Variants in ROBO1 observed in about 807,000 individuals in gnomAD.
ROBO1 encodes the protein roundabout homolog 1.
Under a neutral mutation model 195.9 loss-of-function variants are expected in ROBO1, and 149 were observed. The observed-to-expected ratio is 0.76, with a 90% CI of 0.67 to 0.87. The LOEUF is 0.87. Ranked by LOEUF, ROBO1 falls within the 40% of genes least tolerant of loss-of-function variation. ROBO1 has a pLI of 0.00. For synonymous variants in ROBO1, 816 were observed against 733.2 expected (o/e 1.11, Z -1.82); for missense variants, 1,933 against 2,068.3 (o/e 0.93, Z 1.27).
Position 78,651,921 on chromosome 3 carries a change from C to T in ROBO1, c.2623G>A (p.Gly875Arg). The T allele has an allele frequency of 6.2e-7, 1 of 1,612,014 alleles. No homozygotes were observed. Among genetic ancestry groups the T allele is most frequent in the Non-Finnish European group, 8.5e-7 (1 of 1,178,998 alleles). Residue 875 changes from glycine to arginine, a missense_variant, in exon 19 of 31, where the codon GGA becomes AGA. By Grantham distance (125) the Gly-to-Arg change is moderately radical (BLOSUM62 -2). This residue lies in a region of ROBO1 where 1,737 missense variants were observed against 1,882.5 expected (regional missense o/e 0.92). Coordinates refer to ENST00000464233, the MANE Select transcript of ROBO1 (RefSeq NM_002941.4). ...TGGTCCTCAGGTGACACAGGGTTTCCATGGGCATCTGAAAAGTCATCTTCC... is the reference window on the plus strand; with the variant it reads ...TGGTCCTCAGGTGACACAGGGTTTCTATGGGCATCTGAAAAGTCATCTTCC... Reference protein sequence around the residue: ...EPQFIQLDAHGNPVSPEDQVS... With the variant: ...EPQFIQLDAHRNPVSPEDQVS...
intron 4 of ROBO1, among the ~76,000 whole-genome samples, chr3:78,774,269 T>C (rs916140035): frequency 5.9e-5 from 9 of 152,206 alleles, no homozygotes; most frequent in African/African-American, 2.2e-4. Context: ...AGGCTTACAT[T>C]GAAAACTCCT....
chr3:79,015,520 G>C (rs2077907970), intron 3 of ROBO1, among the ~76,000 whole-genome samples: 1 of 152,002 alleles, frequency 6.6e-6, no homozygotes, highest in South Asian at 2.1e-4. Context: ...ATTTGAGCAA[G>C]TCTATGAAGG....
intron 3 of ROBO1, among the ~76,000 whole-genome samples, chr3:79,122,739 TG>T (rs2080142629): frequency 6.6e-6 from 1 of 151,982 alleles, no homozygotes; most frequent in Non-Finnish European, 1.5e-5. Flanking sequence ...TTTTTAGTAT[TG>T]AAAAAAAGGA....
chr3:79,689,084 T>C (rs1400370451), intron 1 of ROBO1, among the ~76,000 whole-genome samples: 1 of 151,956 alleles, frequency 6.6e-6, no homozygotes, highest in Non-Finnish European at 1.5e-5. Flanking sequence ...GTTTTTTATA[T>C]ATAGTCATCG....
At chr3:79,560,971 T>G (rs556937884) in intron 2 of ROBO1, among the ~76,000 whole-genome samples, 1 of 152,050 alleles carries the variant, frequency 6.6e-6, no homozygotes, top group South Asian at 2.1e-4. Context: ...CAATCTGCTG[T>G]TTTTTTTCCC....
At chr3:79,257,005 T>C (rs1361145567) in intron 2 of ROBO1, among the ~76,000 whole-genome samples, 1 of 152,192 alleles carries the variant, frequency 6.6e-6, no homozygotes, top group Admixed American at 6.5e-5. Flanking sequence ...AGTCTTACTT[T>C]GTTGTCACAA....
At chr3:79,059,076 C>T (rs910888499) in intron 3 of ROBO1, among the ~76,000 whole-genome samples, 10 of 152,116 alleles carry the variant, frequency 6.6e-5, no homozygotes, top group South Asian at 2.1e-4. Flanking sequence ...GCTTGGAGAT[C>T]GGGTAGTGAG....
intron 3 of ROBO1, among the ~76,000 whole-genome samples, chr3:78,942,882 A>C (rs1003483774): frequency 1.3e-5 from 2 of 152,052 alleles, no homozygotes; most frequent in African/African-American, 4.8e-5. Flanking sequence ...ACTGCACTTC[A>C]GCCTGGGCAA....
intron 4 of ROBO1, among the ~76,000 whole-genome samples, chr3:78,810,942 A>G (rs1466466133): frequency 6.6e-6 from 1 of 152,200 alleles, no homozygotes; most frequent in Non-Finnish European, 1.5e-5. Context: ...CTCAAGAAAA[A>G]GGACAAAACT....
intron 1 of ROBO1, among the ~76,000 whole-genome samples, chr3:79,599,484 T>C (rs1295279531): frequency 5.9e-5 from 9 of 152,024 alleles, no homozygotes. Context: ...AAAGCAGCTA[T>C]GTATAAAAAT....
At chr3:79,103,004 C>T (rs910578038) in intron 3 of ROBO1, among the ~76,000 whole-genome samples, 1 of 151,554 alleles carries the variant, frequency 6.6e-6, no homozygotes, top group Admixed American at 6.6e-5. Context: ...AGGAAACAAT[C>T]GAAGAGTTCG....
intron 3 of ROBO1, among the ~76,000 whole-genome samples, chr3:79,016,375 GA>G (rs1338089752): frequency 6.6e-6 from 1 of 152,122 alleles, no homozygotes; most frequent in Non-Finnish European, 1.5e-5. Flanking sequence ...ACACCTATAG[GA>G]AAAACTTAGG....
chr3:78,675,690 C>T (rs1471340255), intron 10 of ROBO1, among the ~76,000 whole-genome samples: 1 of 152,180 alleles, frequency 6.6e-6, no homozygotes. Context: ...CTGGGTGGAG[C>T]CCACCACAGC....
chr3:78,682,441 CTG>C (rs1365252956), intron 10 of ROBO1, among the ~76,000 whole-genome samples: 1 of 146,096 alleles, frequency 6.8e-6, no homozygotes, highest in Non-Finnish European at 1.5e-5. Context: ...TTTGATATGA[CTG>C]TGTGTATATG....
At chr3:79,407,674 A>AT (rs2037601237) in intron 2 of ROBO1, among the ~76,000 whole-genome samples, 1 of 152,042 alleles carries the variant, frequency 6.6e-6, no homozygotes, top group African/African-American at 2.4e-5. Flanking sequence ...TATTTTCTAA[A>AT]TGTGTTTGTT....
At chr3:79,560,061 T>G (rs1227467986) in intron 2 of ROBO1, among the ~76,000 whole-genome samples, 1 of 152,068 alleles carries the variant, frequency 6.6e-6, no homozygotes, top group Non-Finnish European at 1.5e-5. Flanking sequence ...GGCAAATAGT[T>G]TTTAATCTTT....
At chr3:78,876,851 G>A (rs2035879056) in intron 4 of ROBO1, among the ~76,000 whole-genome samples, 1 of 152,178 alleles carries the variant, frequency 6.6e-6, no homozygotes, top group African/African-American at 2.4e-5. Context: ...TAAACCAAAG[G>A]TGTATCTTTA....
At chr3:79,193,335 C>A (rs556887697) in intron 2 of ROBO1, among the ~76,000 whole-genome samples, 1 of 151,706 alleles carries the variant, frequency 6.6e-6, no homozygotes, top group South Asian at 2.1e-4. Flanking sequence ...CAATCACCAT[C>A]TAAAACAATT....
intron 1 of ROBO1, among the ~76,000 whole-genome samples, chr3:79,726,746 C>T (rs893564735): frequency 5.3e-5 from 8 of 151,952 alleles, no homozygotes; most frequent in East Asian, 1.9e-4. Flanking sequence ...TCTCATGAGG[C>T]GAAAAAATAC....
Sources: allele counts gnomAD v4.1 joint callset (sites outside exome capture counted in the v4.1 genomes callset), GRCh38; gene constraint gnomAD v4.1.1; regional missense constraint gnomAD v4.1.1; transcripts MANE v1.5; gene names NCBI Gene and HGNC (gene_info 2026-07-23, HGNC 2026-07-21).